GSE1: variants seen among roughly 807,000 people sequenced by gnomAD.
GSE1 encodes the protein genetic suppressor element 1.
A neutral mutation model predicts 112.6 loss-of-function variants in GSE1; 32 were observed. The ratio of observed to expected loss-of-function variants is 0.28; its 90% CI spans 0.21 to 0.38. The LOEUF (loss-of-function observed/expected upper bound fraction) is 0.38. Among genes scored for constraint, GSE1 ranks in the 10% least tolerant of loss-of-function variants. The pLI is 1.00. For synonymous variants in GSE1, 1,115 were observed against 735.6 expected (o/e 1.52, Z -8.35); for missense variants, 2,348 against 1,699.2 (o/e 1.38, Z -6.71).
chr16:85,205,680 G>T (rs1450409931), intron 1 of GSE1, among the ~76,000 whole-genome samples: 1 of 152,144 alleles, frequency 6.6e-6, no homozygotes, highest in Non-Finnish European at 1.5e-5. Flanking sequence ...CCCTGCCCTG[G>T]GCAGCATGCG....
intron 1 of GSE1, among the ~76,000 whole-genome samples, chr16:85,172,681 G>A (rs111549010): frequency 6.6e-6 from 1 of 152,234 alleles, no homozygotes; most frequent in African/African-American, 2.4e-5. Context: ...CAGTCAGTGC[G>A]ACTTGTTTTA....
chr16:85,656,636 C>T lies in GSE1; in HGVS notation c.1283C>T (p.Pro428Leu). 1 of 1,534,614 alleles carries T rather than the reference C, an allele frequency of 6.5e-7. No homozygotes were observed. The highest frequency in any genetic ancestry group is 8.8e-7 in the Non-Finnish European group (1 of 1,139,048). ...RGHATEERGK[P>L]SEQLTPTRAE... ...CATGCCACTGAGGAGCGGGGCAAGC[C>T]CTCGGAGCAGCTGACCCCAACCCGA... is the stretch of plus-strand genomic sequence containing the variant. The change falls in exon 7 of 16, where the codon CCC (proline) becomes CTC (leucine). Residue 428 changes from proline (P) to leucine (L), a missense_variant. Transcript: ENST00000253458.
chr16:85,662,952 C>A, intron 9 of GSE1, 29 bp from the exon 10 acceptor site: 1 of 1,436,850 alleles, frequency 7.0e-7, no homozygotes, highest in Non-Finnish European at 9.8e-7. Context: ...GGCTCTTTGT[C>A]TGGCTGAATA....
intron 2 of GSE1, among the ~76,000 whole-genome samples, chr16:85,510,516 T>G (rs1450943359): frequency 6.6e-6 from 1 of 152,092 alleles, no homozygotes; most frequent in African/African-American, 2.4e-5. Context: ...TGCCTGCAGC[T>G]GTGTGTGTGA....
chr16:85,596,118 A>G (rs770499921), intron 1 of GSE1, among the ~76,000 whole-genome samples: 34 of 151,348 alleles, frequency 2.2e-4, no homozygotes, highest in Non-Finnish European at 4.7e-4. Flanking sequence ...CGTGGTCCCT[A>G]CATTTGGTCT....
rs555827175 is a variant in GSE1 at position 85,665,869 on chromosome 16, G to A, written c.2759-107G>A. 122 of 1,056,690 alleles carry A rather than the reference G, an allele frequency of 1.2e-4. No individual in the cohort carries two copies. The South Asian group carries it at 1.4e-3, about 12-fold the overall frequency. 65.5% of individuals were successfully genotyped at this position (1,056,690 alleles called of 1,614,324 possible). Reference sequence around the variant, plus strand: ...TGTTCCCCGGGTCTTGGTTCTTTGCGCTAGGTCTTTGTTAAGTGTAAGCTC... The same window carrying A: ...TGTTCCCCGGGTCTTGGTTCTTTGCACTAGGTCTTTGTTAAGTGTAAGCTC... On this transcript the variant is annotated intron_variant, in intron 12 of 15. Transcript: ENST00000253458.
At chr16:85,338,866 C>T (rs569957694) in intron 1 of GSE1, among the ~76,000 whole-genome samples, 28 of 152,316 alleles carry the variant, frequency 1.8e-4, no homozygotes, top group Non-Finnish European at 3.1e-4. Context: ...GTGCTGCTGC[C>T]GGTGGCGTTA....
intron 2 of GSE1, among the ~76,000 whole-genome samples, chr16:85,521,391 C>G (rs2052181037): frequency 6.6e-6 from 1 of 152,180 alleles, no homozygotes; most frequent in African/African-American, 2.4e-5. Flanking sequence ...CTCCTGTCTC[C>G]CATCCACTGC....
chr16:85,634,207 C>A (rs773573755), intron 2 of GSE1, 75 bp downstream of exon 2: 2 of 1,018,252 alleles, frequency 2.0e-6, no homozygotes, highest in East Asian at 3.2e-5. Flanking sequence ...CCGCCTGCGG[C>A]GTGCACGCTC....
chr16:85,330,466 A>T (rs996467588), intron 1 of GSE1, among the ~76,000 whole-genome samples: 1 of 152,162 alleles, frequency 6.6e-6, no homozygotes, highest in Non-Finnish European at 1.5e-5. Flanking sequence ...ACCTCCCAAG[A>T]GGGTGGATAT....
intron 1 of GSE1, among the ~76,000 whole-genome samples, chr16:85,178,699 A>G (rs2074518662): frequency 6.6e-6 from 1 of 151,902 alleles, no homozygotes. Flanking sequence ...TGTCCCAGGC[A>G]CTGTTCTAGA....
In GSE1 at chr16:85,201,794, C is replaced by T. The variant is rs150032871; in HGVS notation, c.2283+29987C>T. On this transcript the variant is annotated intron_variant, in intron 1 of 2. Coordinates refer to the GSE1 transcript ENST00000637419. ...GTGTTGGAGATGTGAGACAAAGCCG[C>T]GTAGCCTTTTGTCTGTCAGCATGCA... is the stretch of plus-strand genomic sequence containing the variant. Among the ~76,000 whole-genome samples, 17 of 152,332 alleles carry T rather than the reference C, an allele frequency of 1.1e-4. No homozygotes were observed. The East Asian group carries it at 2.9e-3, about 26-fold the overall frequency.
intron 2 of GSE1, among the ~76,000 whole-genome samples, chr16:85,465,096 T>C (rs548328674): frequency 4.5e-4 from 68 of 152,374 alleles, no homozygotes; most frequent in African/African-American, 1.5e-3. Flanking sequence ...GCCAGCCATC[T>C]GTGGCCACTG....
intron 1 of GSE1, among the ~76,000 whole-genome samples, chr16:85,573,804 T>A (rs1182751446): frequency 6.6e-6 from 1 of 152,212 alleles, no homozygotes; most frequent in African/African-American, 2.4e-5. Flanking sequence ...ATTGGAGTTA[T>A]TGTGAGTGAG....
intron 2 of GSE1, among the ~76,000 whole-genome samples, chr16:85,360,637 G>A (rs1454466067): frequency 6.6e-6 from 1 of 152,164 alleles, no homozygotes; most frequent in Non-Finnish European, 1.5e-5. Context: ...CGGGGCGGGT[G>A]CAGGGGGAGG....
chr16:85,445,942 C>T (rs965101082), intron 2 of GSE1, among the ~76,000 whole-genome samples: 1 of 152,252 alleles, frequency 6.6e-6, no homozygotes, highest in African/African-American at 2.4e-5. Context: ...AGTGCCCCAT[C>T]TGTGAAATGG....
intron 2 of GSE1, among the ~76,000 whole-genome samples, chr16:85,523,493 A>G (rs1015223744): frequency 6.6e-6 from 1 of 152,210 alleles, no homozygotes; most frequent in Non-Finnish European, 1.5e-5. Context: ...TCCCCAGATC[A>G]GGGAGAGTCT....
intron 2 of GSE1, among the ~76,000 whole-genome samples, chr16:85,388,493 TG>T (rs2047757241): frequency 7.2e-6 from 1 of 138,102 alleles, no homozygotes; most frequent in Non-Finnish European, 1.6e-5. Context: ...GGTGGGTGGG[TG>T]GATGGATGGA....
At chr16:85,423,340 C>T (rs1015744131) in intron 2 of GSE1, among the ~76,000 whole-genome samples, 1 of 152,182 alleles carries the variant, frequency 6.6e-6, no homozygotes, top group Non-Finnish European at 1.5e-5. Context: ...CCATCGCTGC[C>T]TCGGGGGCTC....
Sources: allele counts gnomAD v4.1 joint callset (sites outside exome capture counted in the v4.1 genomes callset), GRCh38; gene constraint gnomAD v4.1.1; transcripts MANE v1.5; gene names NCBI Gene and HGNC (gene_info 2026-07-23, HGNC 2026-07-21).